The following P2RX1 variants were observed in gnomAD, a reference collection of about 807,000 sequenced individuals.
P2RX1 encodes purinergic receptor P2X 1, also known as P2X purinoceptor 1.
In P2RX1, 42 loss-of-function variants were observed where a neutral mutation model predicts 50.3. That is an observed-to-expected ratio of 0.83 (90% confidence interval 0.65 to 1.08). The LOEUF (loss-of-function observed/expected upper bound fraction) is 1.08, where lower values mean the gene tolerates loss of function less well. Among genes scored for constraint, P2RX1 ranks in the 50% least tolerant of loss-of-function variants. The probability of loss-of-function intolerance (pLI) is 0.00; values close to 1 mark genes in which losing one functional copy is unlikely to be tolerated. For synonymous variants in P2RX1, 199 were observed against 202.6 expected, an observed-to-expected ratio of 0.98 and a Z score of 0.15; for missense variants, 449 against 529.0, an observed-to-expected ratio of 0.85 and a Z score of 1.48.
At chr17:3,911,944 A>G (rs527648784) in intron 1 of P2RX1, among the ~76,000 whole-genome samples, 2 of 152,318 alleles carry the variant, frequency 1.3e-5, no homozygotes, top group South Asian at 2.1e-4. Flanking sequence ...GACCCCGGCC[A>G]ATAAGAATTG....
intron 2 of P2RX1, 65 bp from the exon 3 acceptor site, chr17:3,904,994 C>T (rs1190616885): frequency 1.0e-5 from 13 of 1,260,418 alleles, no homozygotes; most frequent in Non-Finnish European, 1.5e-5. Flanking sequence ...CCCAAGGGCC[C>T]CACCGCTGCC....
In P2RX1 at chr17:3,916,152, C is replaced by T. The variant is rs556052698; in HGVS notation, c.74G>A (p.Arg25His). 50 of 1,613,496 alleles carry T rather than the reference C, an allele frequency of 3.1e-5. No homozygotes were observed. Among genetic ancestry groups the T allele is most frequent in the Non-Finnish European group, 3.4e-5 (40 of 1,180,034 alleles). The change falls in exon 1 of 12, where the codon CGT (arginine) becomes CAT (histidine). Residue 25 changes from arginine to histidine, a missense_variant. By Grantham distance (29) the Arg-to-His change is conservative (BLOSUM62 0). Coordinates refer to ENST00000225538, the MANE Select transcript of P2RX1 (RefSeq NM_002558.4). ...GAAGATAACGCCCACCTTCTTATTA[C>T]GCACCAGCACCATGCGGGGGGTGTC... is the stretch of plus-strand genomic sequence containing the variant. ...EYDTPRMVLVRNKKVGVIFRL... is the reference protein window; with the variant it reads ...EYDTPRMVLVHNKKVGVIFRL...
intron 3 of P2RX1, 58 bp from the exon 4 acceptor site, chr17:3,904,457 C>G (rs1793210744): frequency 6.8e-7 from 1 of 1,471,092 alleles, no homozygotes. Context: ...TGAGAAGAGC[C>G]CCTCTCCCCA....
In P2RX1 at chr17:3,897,042, C is replaced by T. The variant is rs1160737239; in HGVS notation, c.*772G>A. 1 of 153,446 alleles carries T rather than the reference C, an allele frequency of 6.5e-6. No homozygotes were observed. 9.5% of individuals were successfully genotyped at this position (153,446 alleles called of 1,614,324 possible). A position where few individuals can be genotyped will look rare whatever the true frequency, so the allele number is the denominator to read the frequency against. On this transcript the variant is annotated 3_prime_UTR_variant, in exon 12 of 12. Coordinates refer to ENST00000225538, the MANE Select transcript of P2RX1 (RefSeq NM_002558.4). ...AGTGTCTGCACCTGAACAGGAAGTG[C>T]AGGCTCAGGGCTAAGTCTGACTCCC...
At chr17:3,909,713 C>T (rs1486668753) in intron 1 of P2RX1, among the ~76,000 whole-genome samples, 1 of 152,086 alleles carries the variant, frequency 6.6e-6, no homozygotes, top group Admixed American at 6.6e-5. Flanking sequence ...CGTATTTATC[C>T]AGCCCCTATT....
chr17:3,904,651 C>T, intron 3 of P2RX1: 1 of 628,402 alleles, frequency 1.6e-6, no homozygotes, highest in Non-Finnish European at 2.8e-6. Flanking sequence ...GTCTCGGCAC[C>T]CTGCCTGGTA....
rs1283833556 is a variant in P2RX1, at chr17:3,898,002, C to G, written c.1134+7G>C. 1 of 1,613,374 alleles carries G rather than the reference C, an allele frequency of 6.2e-7. No individual in the cohort carries two copies. The highest frequency in any genetic ancestry group is 1.3e-5 in the African/African-American group (1 of 74,928). On this transcript the variant is annotated splice_region_variant and intron_variant, in intron 11 of 11. Transcript: ENST00000225538. ...TTCGAAGGGCCTGGCTCGGGGGGTT[C>G]TCTTACCGCCCCTGGCCCCATGTCC...
chr17:3,898,912 C>G, intron 9 of P2RX1, 22 bp downstream of exon 9: 2 of 1,587,820 alleles, frequency 1.3e-6, no homozygotes, highest in Non-Finnish European at 1.7e-6. Flanking sequence ...CAGCTGCCAC[C>G]ACCCTCACAC....
intron 1 of P2RX1, among the ~76,000 whole-genome samples, chr17:3,905,820 C>T (rs976723728): frequency 2.1e-5 from 3 of 143,492 alleles, no homozygotes; most frequent in Non-Finnish European, 4.5e-5. Flanking sequence ...GCACTCCAGC[C>T]TGGGCGACAA....
In P2RX1 at chr17:3,916,433, G is replaced by A; in HGVS notation, c.-208C>T. ...TGGAGAGAGAATCCCTGGGTGATCAGAGCAGCTCTTGGCCCCTGGAAGGCA... is the reference window on the plus strand; with the variant it reads ...TGGAGAGAGAATCCCTGGGTGATCAAAGCAGCTCTTGGCCCCTGGAAGGCA... On this transcript the variant is annotated 5_prime_UTR_variant, in exon 1 of 12. Transcript: ENST00000225538. The A allele has an allele frequency of 1.7e-6, 1 of 581,846 alleles. No individual in the cohort carries two copies. The highest frequency in any genetic ancestry group is 3.1e-5 in the Admixed American group (1 of 32,566). The allele number at this position is 581,846 out of a possible 1,614,324, so 36.0% of individuals were successfully genotyped here.
intron 1 of P2RX1, among the ~76,000 whole-genome samples, chr17:3,908,701 C>A (rs1164912228): frequency 6.6e-6 from 1 of 152,212 alleles, no homozygotes; most frequent in East Asian, 1.9e-4. Flanking sequence ...TCTTCAGAAG[C>A]CTCTCCCCTT....
chr17:3,897,966 C>T (rs1036538504), intron 11 of P2RX1, 43 bp downstream of exon 11: 14 of 1,609,308 alleles, frequency 8.7e-6, no homozygotes, highest in African/African-American at 1.3e-5. Flanking sequence ...CAGACACAAG[C>T]GCCGGAGGCC....
rs1567648617 is a variant in P2RX1, at chr17:3,899,753, C to A, written c.756G>T (p.Val252=). 1 of 1,613,666 alleles carries A rather than the reference C, an allele frequency of 6.2e-7. No homozygotes were observed. Among genetic ancestry groups the A allele is most frequent in the Non-Finnish European group, 8.5e-7 (1 of 1,179,716 alleles). ...AGTGCCAGTCGATGGTGATGCCAAC[C>A]ACTCCACCCTGCCAGGGACACAAGT... The part of the protein sequence containing the change: ...NFSTLAEKGG[V]VGITIDWHCD... The change falls in exon 8 of 12, where the codon GTG becomes GTT. Residue 252 remains valine, a synonymous_variant. Transcript: ENST00000225538.
intron 1 of P2RX1, among the ~76,000 whole-genome samples, chr17:3,906,711 G>GC (rs573376667): frequency 6.6e-6 from 1 of 152,324 alleles, no homozygotes; most frequent in East Asian, 1.9e-4. Flanking sequence ...CCAGCATTGA[G>GC]CTGTCCCGTT....
chr17:3,907,873 CA>C (rs1368814784), intron 1 of P2RX1, among the ~76,000 whole-genome samples: 3 of 151,630 alleles, frequency 2.0e-5, no homozygotes, highest in African/African-American at 7.3e-5. Context: ...GGAGCTGATG[CA>C]GGGGGGAGGA....
chr17:3,906,573 G>A (rs974497994), intron 1 of P2RX1, among the ~76,000 whole-genome samples: 7 of 152,226 alleles, frequency 4.6e-5, no homozygotes, highest in Non-Finnish European at 7.3e-5. Flanking sequence ...GGGAGACAGC[G>A]AGGAAAACAG....
Position 3,906,748 on chromosome 17 carries a change from G to T in P2RX1, c.138-1381C>A, listed in dbSNP as rs2056272906. On this transcript the variant is annotated intron_variant, in intron 1 of 11. Coordinates refer to ENST00000225538, the MANE Select transcript of P2RX1 (RefSeq NM_002558.4). ...CTTTGGATTCTCCACTTTCAGTCTG[G>T]AAGGTTCCATGAGGCTAACCTCCCT... Among the ~76,000 whole-genome samples the T allele has an allele frequency of 3.3e-5, 5 of 152,194 alleles. No homozygotes were observed. The South Asian group carries it at 1.0e-3, about 31-fold the overall frequency.
At chr17:3,900,926 C>T (rs574260298) in intron 7 of P2RX1, among the ~76,000 whole-genome samples, 4 of 152,064 alleles carry the variant, frequency 2.6e-5, no homozygotes, top group South Asian at 2.1e-4. Context: ...CTCCTCTGGG[C>T]GAGGCGAGTA....
intron 1 of P2RX1, among the ~76,000 whole-genome samples, chr17:3,913,634 C>T (rs904855702): frequency 3.3e-4 from 51 of 152,278 alleles, no homozygotes; most frequent in African/African-American, 1.2e-3. Flanking sequence ...CTCTGAGTCT[C>T]GGGACCTCCC....
Sources: gnomAD v4.1 joint callset for allele counts (sites outside exome capture counted in the v4.1 genomes callset) on GRCh38, gnomAD v4.1.1 for gene constraint, MANE v1.5 for transcripts, NCBI Gene and HGNC (gene_info 2026-07-23, HGNC 2026-07-21) for gene names.